The following PHF20 variants were observed in gnomAD, a reference collection of about 807,000 sequenced individuals.
PHF20 encodes the protein PHD finger protein 20.
A neutral mutation model predicts 113.5 loss-of-function variants in PHF20; 23 were observed. That is an observed-to-expected ratio of 0.20 (90% confidence interval 0.15 to 0.29). The LOEUF (loss-of-function observed/expected upper bound fraction) is 0.29, where lower values mean the gene tolerates loss of function less well. PHF20 is among the 10% of genes least tolerant of loss of function. PHF20 has a pLI of 1.00. For missense variants in PHF20, 943 were observed against 1,219.6 expected, an observed-to-expected ratio of 0.77 and a Z score of 3.38; for synonymous variants, 434 against 457.3, an observed-to-expected ratio of 0.95 and a Z score of 0.65.
intron 2 of PHF20, among the ~76,000 whole-genome samples, chr20:35,815,196 C>T (rs1416584117): frequency 6.6e-6 from 1 of 151,620 alleles, no homozygotes; most frequent in Non-Finnish European, 1.5e-5. Context: ...GACTCTGTCC[C>T]CCGAAAAATT....
intron 2 of PHF20, among the ~76,000 whole-genome samples, chr20:35,825,879 AC>A (rs2042251536): frequency 6.6e-6 from 1 of 152,092 alleles, no homozygotes; most frequent in South Asian, 2.1e-4. Flanking sequence ...GAGTGTATAA[AC>A]CCTAAATGTG....
At chr20:35,941,780 G>T (rs1355738523) in intron 17 of PHF20, among the ~76,000 whole-genome samples, 1 of 152,194 alleles carries the variant, frequency 6.6e-6, no homozygotes, top group Non-Finnish European at 1.5e-5. Flanking sequence ...TAACTCAGGA[G>T]AAAATGCCAT....
intron 17 of PHF20, among the ~76,000 whole-genome samples, chr20:35,941,921 G>A (rs756127081): frequency 6.6e-6 from 1 of 152,106 alleles, no homozygotes; most frequent in Admixed American, 6.5e-5. Context: ...GGAGAGTGAT[G>A]GTGTTTCCTA....
intron 13 of PHF20, among the ~76,000 whole-genome samples, chr20:35,923,065 A>G (rs543576553): frequency 9.8e-5 from 15 of 152,324 alleles, no homozygotes; most frequent in Admixed American, 8.5e-4. Flanking sequence ...CAGGGAGATG[A>G]GATTGTACCA....
At chr20:35,863,502 TG>T (rs1291512002) in intron 6 of PHF20, 102 bp downstream of exon 6, 2 of 1,198,980 alleles carry the variant, frequency 1.7e-6, no homozygotes, top group Non-Finnish European at 2.3e-6. Flanking sequence ...TTTATTTTTG[TG>T]ACTGATTTTG....
At chr20:35,937,284 C>A (rs960862926) in intron 15 of PHF20, among the ~76,000 whole-genome samples, 9 of 152,114 alleles carry the variant, frequency 5.9e-5, no homozygotes, top group Admixed American at 2.0e-4. Context: ...GCCTGACCAA[C>A]ATGTAGAAAC....
chr20:35,865,497 G>GTTTTTTTTTTTTTT (rs201623482), intron 6 of PHF20, among the ~76,000 whole-genome samples: 1 of 96,610 alleles, frequency 1.0e-5, no homozygotes, highest in Non-Finnish European at 2.0e-5. Flanking sequence ...TTTAAGTTGT[G>GTTTTTTTTTTTTTT]TTTTTTTTTT....
chr20:35,939,485 C>G (rs1258760863), intron 16 of PHF20, among the ~76,000 whole-genome samples: 2 of 152,162 alleles, frequency 1.3e-5, no homozygotes, highest in African/African-American at 4.8e-5. Flanking sequence ...AACAATGAGT[C>G]AAATGTTTTG....
intron 4 of PHF20, chr20:35,849,377 G>A: frequency 2.1e-6 from 1 of 467,626 alleles, no homozygotes. Flanking sequence ...CCAGAGCTTG[G>A]CATCATGAAG....
At position 35,804,919 on chromosome 20, in the gene PHF20, C is replaced by T. The variant is rs116729126; in HGVS notation, c.83+3314C>T. Among the ~76,000 whole-genome samples the T allele has an allele frequency of 8.9e-3, 1,350 of 152,004 alleles. 22 individuals carry two copies. The highest frequency in any genetic ancestry group is 0.031 in the African/African-American group (1,289 of 41,442). On this transcript the variant is annotated intron_variant, in intron 2 of 17. Transcript: ENST00000374012. ...TATTATTATTTTTTTGAAACGCTGT[C>T]GAGACAGCGTCTCACTTTGTTGCCT...
intron 2 of PHF20, among the ~76,000 whole-genome samples, chr20:35,824,335 G>T (rs148115719): frequency 1.3e-5 from 2 of 152,128 alleles, no homozygotes; most frequent in African/African-American, 4.8e-5. Flanking sequence ...TAGGCTGGGT[G>T]TGGTGGCTCA....
chr20:35,853,100 T>TA (rs1248305720), intron 4 of PHF20, among the ~76,000 whole-genome samples: 1 of 149,510 alleles, frequency 6.7e-6, no homozygotes. Flanking sequence ...CGCGCACCTG[T>TA]AATCTCAGCT....
At chr20:35,776,891 C>T (rs548845363) in intron 1 of PHF20, among the ~76,000 whole-genome samples, 7 of 152,314 alleles carry the variant, frequency 4.6e-5, no homozygotes, top group South Asian at 2.1e-4. Context: ...GAATCTTGGT[C>T]GCTACCTTGC....
intron 9 of PHF20, among the ~76,000 whole-genome samples, chr20:35,890,950 C>T (rs1231254506): frequency 6.6e-6 from 1 of 152,162 alleles, no homozygotes; most frequent in African/African-American, 2.4e-5. Flanking sequence ...TTAACTGCCT[C>T]ATGGAAACAT....
intron 9 of PHF20, among the ~76,000 whole-genome samples, chr20:35,874,614 G>A (rs2054484454): frequency 6.6e-6 from 1 of 152,096 alleles, no homozygotes; most frequent in Non-Finnish European, 1.5e-5. Context: ...CACTTGAGTA[G>A]CTGGGACTAC....
At chr20:35,801,856 G>A (rs2041787554) in intron 2 of PHF20, 1 of 329,378 alleles carries the variant, frequency 3.0e-6, no homozygotes, top group Admixed American at 4.5e-5. Flanking sequence ...AAAAGAAGCA[G>A]GAATGGCTAC....
chr20:35,910,898 G>A (rs559208552), intron 10 of PHF20, among the ~76,000 whole-genome samples: 1 of 152,262 alleles, frequency 6.6e-6, no homozygotes, highest in Non-Finnish European at 1.5e-5. Context: ...CAAAGTGCTG[G>A]GAGTGAGCCA....
At position 35,863,380 on chromosome 20, in the gene PHF20, C is replaced by T. The variant is rs2054254705; in HGVS notation, c.788C>T (p.Pro263Leu). 3.7e-6 allele frequency: 6 copies of T among 1,603,846 alleles called. No individual in the cohort carries two copies. Among genetic ancestry groups the T allele is most frequent in the African/African-American group, 2.7e-5 (2 of 74,056 alleles). Residue 263 changes from proline to leucine, a missense_variant, in exon 6 of 18, where the codon CCC becomes CTC. Around this residue, in one of 3 missense-constraint regions of PHF20, gnomAD observed 592 missense variants for 787.2 expected, o/e 0.75. Coordinates refer to ENST00000374012, the MANE Select transcript of PHF20 (RefSeq NM_016436.5). ...LREPKRKRGR[P>L]PSIAPTAVDS... ...GAACCCAAAAGAAAACGAGGCAGAC[C>T]CCCTTCCATAGCTCCTACTGGTGAG... is the stretch of plus-strand genomic sequence containing the variant.
At chr20:35,801,369 C>T (rs1486283933) in intron 1 of PHF20, 122 bp from the exon 2 acceptor site, 7 of 562,802 alleles carry the variant, frequency 1.2e-5, no homozygotes, top group Non-Finnish European at 2.2e-5. Flanking sequence ...AATGAGGACA[C>T]CAACAGGGTT....
Sources: gnomAD v4.1 joint callset for allele counts (sites outside exome capture counted in the v4.1 genomes callset) on GRCh38, gnomAD v4.1.1 for gene constraint, gnomAD v4.1.1 regional missense constraint, MANE v1.5 for transcripts, NCBI Gene and HGNC (gene_info 2026-07-23, HGNC 2026-07-21) for gene names.